The following SYNE2 variants were observed in gnomAD, a reference collection of about 807,000 sequenced individuals.
SYNE2 encodes nesprin-2.
In SYNE2, 431 loss-of-function variants were observed where a neutral mutation model predicts 856.3. That is an observed-to-expected ratio of 0.50 (90% confidence interval 0.47 to 0.55). The LOEUF (loss-of-function observed/expected upper bound fraction) is 0.55, where lower values mean the gene tolerates loss of function less well. Ranked by LOEUF, SYNE2 falls within the 20% of genes least tolerant of loss-of-function variation. The pLI is 0.00. For missense variants in SYNE2, 8,129 were observed against 8,023.2 expected, an observed-to-expected ratio of 1.01 and a Z score of -0.50; for synonymous variants, 2,923 against 2,872.3, an observed-to-expected ratio of 1.02 and a Z score of -0.56.
chr14:64,026,252 G>T (rs891827547), intron 41 of SYNE2, among the ~76,000 whole-genome samples: 8 of 152,214 alleles, frequency 5.3e-5, no homozygotes, highest in Non-Finnish European at 2.9e-5. Flanking sequence ...AAAATGTCTT[G>T]TCAGATTGTT....
At chr14:63,952,126 C>T (rs1487622526) in intron 7 of SYNE2, among the ~76,000 whole-genome samples, 4 of 152,324 alleles carry the variant, frequency 2.6e-5, no homozygotes, top group East Asian at 3.9e-4. Context: ...AATCAGGCCC[C>T]GTTCTCCACA....
At chr14:63,955,678 A>G (rs2096232885) in intron 8 of SYNE2, among the ~76,000 whole-genome samples, 1 of 152,218 alleles carries the variant, frequency 6.6e-6, no homozygotes, top group Non-Finnish European at 1.5e-5. Context: ...GCTCTCCCAA[A>G]CAATGGGAAA....
At chr14:63,912,750 T>C (rs75855318) in intron 2 of SYNE2, among the ~76,000 whole-genome samples, 1 of 152,204 alleles carries the variant, frequency 6.6e-6, no homozygotes, top group African/African-American at 2.4e-5. Flanking sequence ...TGCTTCATCA[T>C]TAATATGCTA....
At chr14:63,763,845 T>C (rs1458216066) in intron 1 of SYNE2, among the ~76,000 whole-genome samples, 1 of 152,150 alleles carries the variant, frequency 6.6e-6, no homozygotes, top group Non-Finnish European at 1.5e-5. Context: ...TTATTTTTTA[T>C]TTTTTGTAGA....
chr14:64,160,137 T>C (rs2098316766), intron 87 of SYNE2, among the ~76,000 whole-genome samples: 1 of 152,202 alleles, frequency 6.6e-6, no homozygotes, highest in Non-Finnish European at 1.5e-5. Flanking sequence ...TACCCTGCAG[T>C]GGTGCCCTTA....
chr14:64,174,818 A>G (rs1213073907), intron 94 of SYNE2, 126 bp from the exon 95 acceptor site: 1 of 837,576 alleles, frequency 1.2e-6, no homozygotes, highest in East Asian at 2.7e-5. Flanking sequence ...ATTCTGACCC[A>G]ATTTGTCTAA....
At chr14:64,206,563 CTTT>C (rs558072315) in intron 100 of SYNE2, among the ~76,000 whole-genome samples, 1 of 131,054 alleles carries the variant, frequency 7.6e-6, no homozygotes, top group Non-Finnish European at 1.7e-5. Context: ...AATGTTTGGG[CTTT>C]TTTTTTTTTA....
At chr14:63,900,560 C>T (rs1044151075) in intron 1 of SYNE2, among the ~76,000 whole-genome samples, 2 of 152,178 alleles carry the variant, frequency 1.3e-5, no homozygotes, top group Non-Finnish European at 2.9e-5. Context: ...CTAGGTTCCT[C>T]CCATGACACG....
intron 94 of SYNE2, among the ~76,000 whole-genome samples, chr14:64,171,495 G>A (rs1443898570): frequency 6.6e-6 from 1 of 152,138 alleles, no homozygotes; most frequent in African/African-American, 2.4e-5. Flanking sequence ...CAGTAGAGAT[G>A]GGGATGTGTG....
At chr14:63,964,146 GA>G (rs2096359024) in intron 10 of SYNE2, 146 bp downstream of exon 10, 1 of 613,288 alleles carries the variant, frequency 1.6e-6, no homozygotes, top group Non-Finnish European at 2.9e-6. Context: ...CTGTACTTCC[GA>G]AACTTTAAGG....
intron 45 of SYNE2, among the ~76,000 whole-genome samples, chr14:64,042,709 A>G (rs2097157904): frequency 6.6e-6 from 1 of 152,136 alleles, no homozygotes; most frequent in South Asian, 2.1e-4. Context: ...GCCTTACACC[A>G]TGATTGTGAG....
At chr14:64,151,467 C>A (rs535013067) in intron 84 of SYNE2, among the ~76,000 whole-genome samples, 16 of 6,996 alleles carry the variant, frequency 2.3e-3, no homozygotes, top group East Asian at 5.1e-3. Flanking sequence ...TTAGGCAAAG[C>A]AATTTTCAAA....
intron 1 of SYNE2, among the ~76,000 whole-genome samples, chr14:63,765,110 G>A (rs1210708105): frequency 1.3e-5 from 2 of 152,118 alleles, no homozygotes; most frequent in African/African-American, 4.8e-5. Flanking sequence ...ACGGGAGAGA[G>A]GGGGAGAAAT....
intron 64 of SYNE2, 123 bp from the exon 65 acceptor site, chr14:64,107,368 T>G (rs1316877107): frequency 1.2e-6 from 1 of 856,218 alleles, no homozygotes; most frequent in African/African-American, 1.7e-5. Flanking sequence ...TAATCGTATC[T>G]GACTTCTCCA....
intron 107 of SYNE2, chr14:64,215,892 C>T (rs2098664173): frequency 8.0e-7 from 1 of 1,243,306 alleles, no homozygotes; most frequent in African/African-American, 1.5e-5. Flanking sequence ...TTCCCAAGTC[C>T]ATCTTGATGT....
intron 108 of SYNE2, 186 bp from the exon 109 acceptor site, chr14:64,218,212 T>C (rs2098676023): frequency 3.4e-6 from 2 of 584,902 alleles, no homozygotes; most frequent in Admixed American, 4.9e-5. Flanking sequence ...GCTTTATTTC[T>C]GCCATCAGCT....
At position 64,223,292 on chromosome 14, in the gene SYNE2, C is replaced by A. The variant is rs1271638586; in HGVS notation, c.20294C>A (p.Ala6765Asp). The A allele has an allele frequency of 6.2e-7, 1 of 1,614,168 alleles. No individual in the cohort carries two copies. The highest frequency in any genetic ancestry group is 8.5e-7 in the Non-Finnish European group (1 of 1,180,040). The change falls in exon 113 of 116, where the codon GCT becomes GAT. Residue 6765 changes from alanine to aspartate, a missense_variant. Physicochemically the swap from Ala to Asp is moderately radical, Grantham distance 126 (BLOSUM62 -2). Coordinates refer to ENST00000555002, the MANE Select transcript of SYNE2 (RefSeq NM_182914.3). Reference protein sequence around the residue: ...IKGHGEDCIEAEEKVHVIEKK... With the variant: ...IKGHGEDCIEDEEKVHVIEKK... ...GGACATGGAGAAGACTGTATTGAAG[C>A]TGAAGAAAAGGTGCATGTTATTGAG...
At chr14:64,204,496 A>G (rs926634300) in intron 100 of SYNE2, 1 of 152,204 alleles carries the variant, frequency 6.6e-6, no homozygotes, top group African/African-American at 2.4e-5. Context: ...ATTTTTTATA[A>G]ATCCGAAGTG....
At chr14:64,050,406 A>G (rs2097216860) in intron 47 of SYNE2, among the ~76,000 whole-genome samples, 2 of 152,242 alleles carry the variant, frequency 1.3e-5, no homozygotes, top group African/African-American at 4.8e-5. Context: ...GGTTTCATGC[A>G]AAAAATAATT....
Sources: allele counts gnomAD v4.1 joint callset (sites outside exome capture counted in the v4.1 genomes callset), GRCh38; gene constraint gnomAD v4.1.1; transcripts MANE v1.5; gene names NCBI Gene and HGNC (gene_info 2026-07-23, HGNC 2026-07-21).